The following CLDN10 variants were observed in gnomAD, a reference collection of about 807,000 sequenced individuals.
CLDN10 encodes claudin-10.
A neutral mutation model predicts 22.9 loss-of-function variants in CLDN10; 15 were observed. That is an observed-to-expected ratio of 0.65 (90% CI 0.44 to 1.01). CLDN10 has a LOEUF of 1.01. Ranked by LOEUF, CLDN10 falls within the 50% of genes least tolerant of loss-of-function variation. The pLI is 0.00. For missense variants in CLDN10, 247 were observed against 287.8 expected, an observed-to-expected ratio of 0.86 and a Z score of 1.03; for synonymous variants, 114 against 111.4, an observed-to-expected ratio of 1.02 and a Z score of -0.15.
At position 95,520,433 on chromosome 13, in the gene CLDN10, G is replaced by A. The variant is rs561881539; in HGVS notation, c.215-39699G>A. Among the ~76,000 whole-genome samples the A allele has an allele frequency of 5.7e-4, 86 of 152,132 alleles. 1 individual carries two copies. The highest frequency in any genetic ancestry group is 9.4e-4 in the Non-Finnish European group (64 of 68,022). On this transcript the variant is annotated intron_variant, in intron 1 of 4. Coordinates refer to the CLDN10 transcript ENST00000376873. The stretch of plus-strand genomic sequence containing the variant: ...TTGTTGCCCAGGCTGGAGTGCAATG[G>A]CACAGTCTTGGCTCACTGCAACCTC...
Position 95,495,751 on chromosome 13 carries a change from AAAAAAAAG to A in CLDN10, c.214+61709_214+61716del, listed in dbSNP as rs1259627516. The stretch of plus-strand genomic sequence containing the variant: ...AGAGCCAGACTCCACCTCAAAAAAA[AAAAAAAAG>A]AAAAGAAAGAAAGAAAGAAAGAAAT... On this transcript the variant is annotated intron_variant, in intron 1 of 4. Coordinates refer to the CLDN10 transcript ENST00000376873. Among the ~76,000 whole-genome samples, 9 of 150,344 alleles carry A rather than the reference AAAAAAAAG, an allele frequency of 6.0e-5. No individual in the cohort carries two copies. In the South Asian group the frequency reaches 1.3e-3, roughly 21 times the overall value.
intron 1 of CLDN10, among the ~76,000 whole-genome samples, chr13:95,555,073 G>A (rs528381600): frequency 6.4e-5 from 6 of 94,470 alleles, no homozygotes; most frequent in South Asian, 3.3e-4. Context: ...TTTTTGAGAC[G>A]GAGTTTTGCT....
chr13:95,563,459 A>G (rs2043744973), intron 3 of CLDN10, among the ~76,000 whole-genome samples: 1 of 152,204 alleles, frequency 6.6e-6, no homozygotes, highest in Non-Finnish European at 1.5e-5. Context: ...CATGAAAAAC[A>G]GCAGTGCTTA....
intron 3 of CLDN10, among the ~76,000 whole-genome samples, chr13:95,572,239 C>T (rs1277547563): frequency 9.9e-5 from 15 of 152,022 alleles, no homozygotes; most frequent in African/African-American, 9.7e-5. Flanking sequence ...GAGACAACTC[C>T]GATCTTTCTG....
intron 1 of CLDN10, among the ~76,000 whole-genome samples, chr13:95,555,141 C>T (rs2043619523): frequency 6.6e-6 from 1 of 151,578 alleles, no homozygotes; most frequent in Admixed American, 6.6e-5. Flanking sequence ...ACCTCCGCCT[C>T]CCAGGTACAA....
At chr13:95,514,929 G>A (rs1180850198) in intron 1 of CLDN10, among the ~76,000 whole-genome samples, 1 of 152,184 alleles carries the variant, frequency 6.6e-6, no homozygotes, top group African/African-American at 2.4e-5. Context: ...AGATGGCGCT[G>A]AAGATGGTAA....
intron 3 of CLDN10, among the ~76,000 whole-genome samples, chr13:95,562,826 T>C (rs937050041): frequency 6.6e-6 from 1 of 152,262 alleles, no homozygotes; most frequent in East Asian, 1.9e-4. Flanking sequence ...ATCATTGGAC[T>C]CTTTCCTCAA....
At chr13:95,469,798 G>A (rs1179445643) in intron 1 of CLDN10, among the ~76,000 whole-genome samples, 1 of 152,102 alleles carries the variant, frequency 6.6e-6, no homozygotes, top group Non-Finnish European at 1.5e-5. Context: ...GGGCTATTTG[G>A]TAAATATTGA....
chr13:95,476,339 G>A (rs1178992369), intron 1 of CLDN10, among the ~76,000 whole-genome samples: 2 of 152,138 alleles, frequency 1.3e-5, no homozygotes, highest in Non-Finnish European at 2.9e-5. Flanking sequence ...CAAGGTCAAG[G>A]TGCTGATGGA....
chr13:95,494,022 G>A (rs150754517), intron 1 of CLDN10, among the ~76,000 whole-genome samples: 76 of 152,152 alleles, frequency 5.0e-4, no homozygotes, highest in East Asian at 2.7e-3. Context: ...AGATAAAGAC[G>A]TTTTAACATA....
intron 1 of CLDN10, among the ~76,000 whole-genome samples, chr13:95,554,681 G>T (rs910438856): frequency 6.6e-6 from 1 of 152,148 alleles, no homozygotes; most frequent in African/African-American, 2.4e-5. Flanking sequence ...ACCTACTGTT[G>T]TACAACACTT....
chr13:95,532,913 T>C (rs1337487927), intron 1 of CLDN10, among the ~76,000 whole-genome samples: 1 of 151,798 alleles, frequency 6.6e-6, no homozygotes, highest in Non-Finnish European at 1.5e-5. Context: ...TGATTGTATC[T>C]AGATAAAGTT....
At chr13:95,548,179 T>C (rs190282956), upstream of CLDN10, among the ~76,000 whole-genome samples, 72 of 152,308 alleles carry the variant, frequency 4.7e-4, no homozygotes, top group African/African-American at 1.7e-3. Flanking sequence ...ACAAACAAAA[T>C]GTACCCAACC....
At chr13:95,575,898 A>G (rs2138687968) in intron 3 of CLDN10, among the ~76,000 whole-genome samples, 1 of 152,320 alleles carries the variant, frequency 6.6e-6, no homozygotes, top group East Asian at 1.9e-4. Flanking sequence ...TCAATGTGAT[A>G]TGTGTCTTAA....
chr13:95,566,119 A>C (rs962202829), intron 3 of CLDN10, among the ~76,000 whole-genome samples: 3 of 152,222 alleles, frequency 2.0e-5, no homozygotes, highest in African/African-American at 7.2e-5. Flanking sequence ...AGCATGATTT[A>C]TAATCCTTTG....
chr13:95,519,604 C>T (rs2043204682), intron 1 of CLDN10, among the ~76,000 whole-genome samples: 1 of 152,174 alleles, frequency 6.6e-6, no homozygotes, highest in African/African-American at 2.4e-5. Context: ...TTCACAATGC[C>T]ATACAAGTAG....
At chr13:95,446,790 C>T (rs1448162941) in intron 1 of CLDN10, among the ~76,000 whole-genome samples, 3 of 151,788 alleles carry the variant, frequency 2.0e-5, no homozygotes, top group Non-Finnish European at 4.4e-5. Flanking sequence ...TGCAGTGAAC[C>T]GAGATTGTGC....
intron 1 of CLDN10, among the ~76,000 whole-genome samples, chr13:95,466,627 C>T (rs1468847460): frequency 6.6e-6 from 1 of 151,718 alleles, no homozygotes; most frequent in East Asian, 1.9e-4. Flanking sequence ...AAAAATCATA[C>T]AGCTTAGGAG....
intron 1 of CLDN10, among the ~76,000 whole-genome samples, chr13:95,440,919 T>A (rs556661370): frequency 4.6e-5 from 7 of 152,350 alleles, no homozygotes; most frequent in Admixed American, 3.9e-4. Flanking sequence ...ACGACTGGAC[T>A]GGGGATCCTA....
Sources: gnomAD v4.1 joint callset for allele counts (sites outside exome capture counted in the v4.1 genomes callset) on GRCh38, gnomAD v4.1.1 for gene constraint, MANE v1.5 for transcripts, NCBI Gene and HGNC (gene_info 2026-07-23, HGNC 2026-07-21) for gene names.